CNOT1: variants seen among roughly 807,000 people sequenced by gnomAD.
CNOT1 encodes the protein CCR4-NOT transcription complex subunit 1, also known as CCR4-associated factor 1.
Under a neutral mutation model 273.8 loss-of-function variants are expected in CNOT1, and 15 were observed. That is an observed-to-expected ratio of 0.05 (90% CI 0.04 to 0.08). CNOT1 has a LOEUF of 0.08. Among genes scored for constraint, CNOT1 ranks in the 10% least tolerant of loss-of-function variants. The pLI is 1.00. For missense variants in CNOT1, 1,644 were observed against 2,912.2 expected (o/e 0.56, Z 10.02); for synonymous variants, 1,022 against 1,005.5 (o/e 1.02, Z -0.31).
intron 35 of CNOT1, among the ~76,000 whole-genome samples, chr16:58,539,309 C>G (rs2040004978): frequency 6.6e-6 from 1 of 151,988 alleles, no homozygotes; most frequent in African/African-American, 2.4e-5. Flanking sequence ...ACCTGGACAA[C>G]AAAGCAAGAC....
At position 58,583,168 on chromosome 16, in the gene CNOT1, C is replaced by T. The variant is rs771536762; in HGVS notation, c.821G>A (p.Arg274His). ...YGFCASIEEC[R>H]NIIVQFGVRE... ...AACACCAAACTGCACGATTATATTG[C>T]GACATTCTTCAATACTGAAACAGAA... The change falls in exon 9 of 49, where the codon CGC becomes CAC. Residue 274 changes from arginine (R) to histidine (H), a missense_variant. Around this residue, in one of 13 missense-constraint regions of CNOT1, gnomAD observed 706 missense variants for 1,021.2 expected, o/e 0.69. Coordinates refer to ENST00000317147, the MANE Select transcript of CNOT1 (RefSeq NM_016284.5). 5.0e-6 allele frequency: 8 copies of T among 1,613,690 alleles called. No homozygotes were observed. Among genetic ancestry groups the T allele is most frequent in the East Asian group, 2.2e-5 (1 of 44,862 alleles).
chr16:58,555,740 G>T, intron 20 of CNOT1, 44 bp downstream of exon 20: 1 of 1,609,466 alleles, frequency 6.2e-7, no homozygotes, highest in South Asian at 1.1e-5. Context: ...ATTTATTTAA[G>T]ACTGGCCTAA....
chr16:58,521,813 A>G (rs1276959109), intron 47 of CNOT1, among the ~76,000 whole-genome samples: 1 of 151,762 alleles, frequency 6.6e-6, no homozygotes, highest in Non-Finnish European at 1.5e-5. Context: ...TTAGTCAGAC[A>G]TGGTGGCCAC....
intron 35 of CNOT1, 135 bp downstream of exon 35, chr16:58,539,633 A>AAT: frequency 1.1e-6 from 1 of 937,732 alleles, no homozygotes; most frequent in East Asian, 2.8e-5. Flanking sequence ...GGAAAAAAAA[A>AAT]AAATCACCTA....
At position 58,538,143 on chromosome 16, in the gene CNOT1, A is replaced by G. The variant is rs761585292; in HGVS notation, c.5244+15T>C. 27 of 1,603,276 alleles carry G rather than the reference A, an allele frequency of 1.7e-5. No homozygotes were observed. Among genetic ancestry groups the G allele is most frequent in the Non-Finnish European group, 2.2e-5 (26 of 1,170,184 alleles). The stretch of plus-strand genomic sequence containing the variant: ...CCTGAGTCCTTTTGTCCGTGCAAGT[A>G]AATTCCTTCCATACCTGCGCTAGGT... On this transcript the variant is annotated intron_variant, in intron 37 of 48. Transcript: ENST00000317147.
intron 38 of CNOT1, 112 bp downstream of exon 38, chr16:58,537,779 T>C (rs1567392323): frequency 7.2e-7 from 1 of 1,391,342 alleles, no homozygotes; most frequent in Non-Finnish European, 9.8e-7. Flanking sequence ...CCCACCCATA[T>C]GTGGTTGGTA....
chr16:58,558,630 T>C lies in CNOT1; in HGVS notation c.2175A>G (p.Ser725=). ...GCATACTCTGGGTGTGAGGGGCAGC[T>C]GAACCACCTATACTAAGAGATGTCA... is the stretch of plus-strand genomic sequence containing the variant. The part of the protein sequence containing the change: ...AGMTSLSIGG[S]AAPHTQSMQG... Residue 725 remains serine (S), a synonymous_variant, in exon 18 of 49, where the codon TCA becomes TCG. Transcript: ENST00000317147. 1 of 1,613,594 alleles carries C rather than the reference T, an allele frequency of 6.2e-7. No homozygotes were observed. Among genetic ancestry groups the C allele is most frequent in the Non-Finnish European group, 8.5e-7 (1 of 1,179,834 alleles).
At chr16:58,571,492 G>C (rs2041273037) in intron 16 of CNOT1, among the ~76,000 whole-genome samples, 1 of 152,104 alleles carries the variant, frequency 6.6e-6, no homozygotes, top group South Asian at 2.1e-4. Flanking sequence ...CGTGGGAGGA[G>C]GAGGTTGCAG....
intron 1 of CNOT1, among the ~76,000 whole-genome samples, chr16:58,627,996 T>C (rs1310860101): frequency 6.6e-6 from 1 of 152,054 alleles, no homozygotes; most frequent in South Asian, 2.1e-4. Context: ...CCCGGCTAAT[T>C]TTTGTATTTT....
intron 47 of CNOT1, among the ~76,000 whole-genome samples, chr16:58,521,767 C>G (rs1368151855): frequency 6.6e-6 from 1 of 150,948 alleles, no homozygotes; most frequent in African/African-American, 2.4e-5. Context: ...GCCTGGCCAA[C>G]ATGGTGAAAC....
chr16:58,539,759 A>G lies in CNOT1; in HGVS notation c.4992+9T>C. On this transcript the variant is annotated intron_variant, in intron 35 of 48. Coordinates refer to ENST00000317147, the MANE Select transcript of CNOT1 (RefSeq NM_016284.5). ...AGCATTTTCTAAAAGTAATAGCTTA[A>G]GAACCAACCTTTTGGAGCAATCCAA... 3 of 1,606,560 alleles carry G rather than the reference A, an allele frequency of 1.9e-6. No individual in the cohort carries two copies. The highest frequency in any genetic ancestry group is 2.6e-6 in the Non-Finnish European group (3 of 1,176,392).
intron 45 of CNOT1, 142 bp from the exon 46 acceptor site, chr16:58,525,501 T>C (rs1261429779): frequency 1.4e-6 from 1 of 695,996 alleles, no homozygotes; most frequent in East Asian, 2.7e-5. Flanking sequence ...TGTGAGGTTA[T>C]TTAACAAACA....
At chr16:58,521,386 T>A in intron 47 of CNOT1, 69 bp from the exon 48 acceptor site, 1 of 1,486,132 alleles carries the variant, frequency 6.7e-7, no homozygotes, top group Non-Finnish European at 9.1e-7. Context: ...CTTCCATTAC[T>A]TTTTTTCTAA....
chr16:58,559,846 C>T lies in CNOT1; in HGVS notation c.2130+366G>A, dbSNP rs539199013. 1.5e-5 allele frequency: 8 copies of T among 534,982 alleles called. No homozygotes were observed. The African/African-American group carries it at 1.5e-4, about 10-fold the overall frequency. The allele number at this position is 534,982 out of a possible 1,614,324, so 33.1% of individuals were successfully genotyped here. A position where few individuals can be genotyped will look rare whatever the true frequency, so the allele number is the denominator to read the frequency against. On this transcript the variant is annotated intron_variant, in intron 17 of 48. Coordinates refer to ENST00000317147, the MANE Select transcript of CNOT1 (RefSeq NM_016284.5). Reference sequence around the variant, plus strand: ...AGTTCAGTTGAGAGCTGAAGAGCCCCAGTTATAACAAGTCGTTATGCTCTA... The same window carrying T: ...AGTTCAGTTGAGAGCTGAAGAGCCCTAGTTATAACAAGTCGTTATGCTCTA...
chr16:58,619,156 G>A (rs980028769), intron 1 of CNOT1, among the ~76,000 whole-genome samples: 2 of 152,064 alleles, frequency 1.3e-5, no homozygotes, highest in East Asian at 1.9e-4. Flanking sequence ...AGCCATGATC[G>A]TGCCACTGCA....
chr16:58,599,402 A>G lies in CNOT1; in HGVS notation c.-65T>C. The G allele has an allele frequency of 1.2e-6, 2 of 1,603,120 alleles. No homozygotes were observed. On this transcript the variant is annotated 5_prime_UTR_variant, in exon 2 of 49. Coordinates refer to ENST00000317147, the MANE Select transcript of CNOT1 (RefSeq NM_016284.5). ...AAATCACCATTATTCCCCTTTAGTC[A>G]CCTCAGAGGCAGGTTAATGCTTTCT...
At chr16:58,550,533 C>A (rs553541398) in intron 24 of CNOT1, among the ~76,000 whole-genome samples, 113 of 151,734 alleles carry the variant, frequency 7.4e-4, no homozygotes, top group South Asian at 1.9e-3. Flanking sequence ...TTATTTTATT[C>A]TTTTTTCTAG....
intron 31 of CNOT1, 85 bp downstream of exon 31, chr16:58,543,522 A>G (rs2040164031): frequency 6.3e-7 from 1 of 1,596,176 alleles, no homozygotes; most frequent in Non-Finnish European, 8.5e-7. Flanking sequence ...GGTAACGCCC[A>G]GTGCCATATA....
intron 1 of CNOT1, among the ~76,000 whole-genome samples, chr16:58,610,420 T>C (rs2042853483): frequency 6.6e-6 from 1 of 150,652 alleles, no homozygotes; most frequent in East Asian, 2.0e-4. Flanking sequence ...AAGAAATAAA[T>C]AGGCCAGGCG....
Sources: allele counts gnomAD v4.1 joint callset (sites outside exome capture counted in the v4.1 genomes callset), GRCh38; gene constraint gnomAD v4.1.1; regional missense constraint gnomAD v4.1.1; transcripts MANE v1.5; gene names NCBI Gene and HGNC (gene_info 2026-07-23, HGNC 2026-07-21).